The following YES1 variants were observed in gnomAD, a reference collection of about 807,000 sequenced individuals.
The protein encoded by YES1 is YES proto-oncogene 1, Src family tyrosine kinase, also known as tyrosine-protein kinase Yes.
In YES1, 39 loss-of-function variants were observed where a neutral mutation model predicts 70.4. The observed-to-expected ratio is 0.55, with a 90% CI of 0.43 to 0.72. The LOEUF is 0.72. Ranked by LOEUF, YES1 falls within the 30% of genes least tolerant of loss-of-function variation. The pLI, the probability that YES1 is intolerant of heterozygous loss-of-function variation, is 0.00. For synonymous variants in YES1, 198 were observed against 218.6 expected (o/e 0.91, Z 0.83); for missense variants, 495 against 644.8 (o/e 0.77, Z 2.52).
intron 1 of YES1, among the ~76,000 whole-genome samples, chr18:792,732 G>A (rs1349570096): frequency 6.6e-6 from 1 of 152,050 alleles, no homozygotes; most frequent in Admixed American, 6.6e-5. Context: ...AGGCTGAGAA[G>A]GGAGGATTGC....
chr18:784,624 T>C (rs1480289387), intron 1 of YES1, among the ~76,000 whole-genome samples: 2 of 152,354 alleles, frequency 1.3e-5, no homozygotes, highest in Middle Eastern at 3.4e-3. Context: ...AAATCAGTTC[T>C]TGCCCTTTCT....
chr18:744,540 C>A (rs1598899594), intron 6 of YES1, among the ~76,000 whole-genome samples: 2 of 151,716 alleles, frequency 1.3e-5, no homozygotes, highest in Non-Finnish European at 2.9e-5. Context: ...CAGGTGCATG[C>A]CACCACGCCT....
chr18:791,110 C>T lies in YES1; in HGVS notation c.-9+21004G>A, dbSNP rs886589476. Among the ~76,000 whole-genome samples, 18 of 151,290 alleles carry T rather than the reference C, an allele frequency of 1.2e-4. 1 individual carries two copies. The highest frequency in any genetic ancestry group is 3.4e-3 in the Middle Eastern group (1 of 294). ...ATTAAAAATACAAAAATTAGCCGGG[C>T]GTGGTGGTGCGCGTTTGTAATCCCA... On this transcript the variant is annotated intron_variant, in intron 1 of 11. Transcript: ENST00000314574.
intron 3 of YES1, among the ~76,000 whole-genome samples, chr18:748,663 TTC>T (rs1406217893): frequency 3.9e-5 from 6 of 152,224 alleles, no homozygotes; most frequent in Non-Finnish European, 8.8e-5. Flanking sequence ...TGTAATTGAC[TTC>T]TTTTACTTGG....
intron 1 of YES1, among the ~76,000 whole-genome samples, chr18:757,326 A>G (rs1306225909): frequency 6.6e-6 from 1 of 150,998 alleles, no homozygotes; most frequent in African/African-American, 2.4e-5. Flanking sequence ...ACACGGTGAA[A>G]CCCCGCCTCT....
At position 739,683 on chromosome 18, in the gene YES1, CATTTTA is replaced by C. The variant is rs1469925945; in HGVS notation, c.1137+46_1137+51del. ...ATAATATTCTGGTAAGATTATTCCA[CATTTTA>C]ATTTACACTTTTAATTCAAATGGAT... On this transcript the variant is annotated intron_variant, in intron 9 of 11. Transcript: ENST00000314574. 1.7e-5 allele frequency: 23 copies of C among 1,370,770 alleles called. No individual in the cohort carries two copies. The Admixed American group carries it at 2.0e-4, about 12-fold the overall frequency. The allele number at this position is 1,370,770 out of a possible 1,614,324, so 84.9% of individuals were successfully genotyped here.
intron 1 of YES1, among the ~76,000 whole-genome samples, chr18:776,983 T>C (rs1221255426): frequency 6.6e-6 from 1 of 152,220 alleles, no homozygotes; most frequent in Non-Finnish European, 1.5e-5. Flanking sequence ...TATTTGTGGT[T>C]ATGAAAAACA....
Position 751,748 on chromosome 18 carries a change from G to C in YES1, c.328C>G (p.Leu110Val), listed in dbSNP as rs747726944. The C allele has an allele frequency of 9.3e-6, 15 of 1,604,642 alleles. 1 individual carries two copies. The highest frequency in any genetic ancestry group is 9.4e-6 in the Non-Finnish European group (11 of 1,172,546). Residue 110 changes from leucine (L) to valine (V), a missense_variant, in exon 3 of 12, where the codon CTT (leucine) becomes GTT (valine). Leu to Val is a conservative substitution (Grantham distance 32). Transcript: ENST00000314574. ...YDYEARTTED[L>V]SFKKGERFQI... The stretch of plus-strand genomic sequence containing the variant: ...AATCTTTCACCCTTCTTAAATGAAA[G>C]GTCTTCTGTAGTTCTAGCTTCATAA...
intron 1 of YES1, among the ~76,000 whole-genome samples, chr18:764,740 CTCTT>C (rs1221331453): frequency 2.0e-5 from 3 of 151,972 alleles, no homozygotes. Flanking sequence ...TCTTTTTTCT[CTCTT>C]TTTTTTGAGA....
At chr18:765,188 A>T (rs1158688292) in intron 1 of YES1, among the ~76,000 whole-genome samples, 1 of 145,532 alleles carries the variant, frequency 6.9e-6, no homozygotes, top group Non-Finnish European at 1.5e-5. Context: ...ATACCTCCAT[A>T]GATACGAAAA....
intron 4 of YES1, 76 bp from the exon 5 acceptor site, chr18:746,127 G>T: frequency 1.9e-6 from 2 of 1,070,508 alleles, no homozygotes; most frequent in South Asian, 1.4e-5. Flanking sequence ...AGTAAGAATG[G>T]ACTGGGATAG....
chr18:795,510 C>A (rs1906490481), intron 1 of YES1, among the ~76,000 whole-genome samples: 1 of 152,070 alleles, frequency 6.6e-6, no homozygotes, highest in Non-Finnish European at 1.5e-5. Flanking sequence ...AACCCATATC[C>A]CCATCAATGA....
At chr18:768,533 T>A (rs1433429767) in intron 1 of YES1, among the ~76,000 whole-genome samples, 1 of 152,210 alleles carries the variant, frequency 6.6e-6, no homozygotes, top group African/African-American at 2.4e-5. Context: ...TATGCCATTA[T>A]AAATGTTACT....
intron 1 of YES1, among the ~76,000 whole-genome samples, chr18:775,565 A>G (rs1183769664): frequency 6.6e-6 from 1 of 152,226 alleles, no homozygotes; most frequent in Non-Finnish European, 1.5e-5. Context: ...GGAAAGCCAA[A>G]GCAGGAGGAT....
At chr18:726,561 C>T (rs765718394) in intron 11 of YES1, among the ~76,000 whole-genome samples, 42 of 151,724 alleles carry the variant, frequency 2.8e-4, no homozygotes, top group Non-Finnish European at 5.6e-4. Flanking sequence ...GGGCGGATCA[C>T]CTGAGGTCAG....
At chr18:752,870 G>C (rs1460045893) in intron 2 of YES1, among the ~76,000 whole-genome samples, 1 of 152,168 alleles carries the variant, frequency 6.6e-6, no homozygotes, top group African/African-American at 2.4e-5. Flanking sequence ...TTGAAACCCG[G>C]AAGTGGAGGT....
chr18:791,343 T>C (rs1906239528), intron 1 of YES1, among the ~76,000 whole-genome samples: 1 of 152,146 alleles, frequency 6.6e-6, no homozygotes, highest in African/African-American at 2.4e-5. Context: ...TGCAATCTTA[T>C]TAAGAATAGT....
chr18:748,031 A>C lies in YES1; in HGVS notation c.372-13T>G. ...CCAATCTCCTTCCCTGCAACACATA[A>C]AACAGCAATCACCGCAAGGTAGACT... On this transcript the variant is annotated splice_polypyrimidine_tract_variant and intron_variant, in intron 3 of 11. Transcript: ENST00000314574. 1.9e-6 allele frequency: 3 copies of C among 1,612,390 alleles called. No individual in the cohort carries two copies. The highest frequency in any genetic ancestry group is 2.5e-6 in the Non-Finnish European group (3 of 1,178,732).
At chr18:805,283 T>G (rs1907043712) in intron 1 of YES1, among the ~76,000 whole-genome samples, 1 of 152,174 alleles carries the variant, frequency 6.6e-6, no homozygotes, top group African/African-American at 2.4e-5. Flanking sequence ...TACAGAATAC[T>G]GCAGGCAACT....
Sources: gnomAD v4.1 joint callset for allele counts (sites outside exome capture counted in the v4.1 genomes callset) on GRCh38, gnomAD v4.1.1 for gene constraint, MANE v1.5 for transcripts, NCBI Gene and HGNC (gene_info 2026-07-23, HGNC 2026-07-21) for gene names.